CNTNAP2: variants seen among roughly 807,000 people sequenced by gnomAD.
CNTNAP2 encodes the protein contactin associated protein 2.
Under a neutral mutation model 155.2 loss-of-function variants are expected in CNTNAP2, and 98 were observed. The ratio of observed to expected loss-of-function variants is 0.63; its 90% CI spans 0.54 to 0.75. CNTNAP2 has a LOEUF of 0.75. Among genes scored for constraint, CNTNAP2 ranks in the 30% least tolerant of loss-of-function variants. CNTNAP2 has a pLI of 0.00. For synonymous variants in CNTNAP2, 651 were observed against 631.2 expected (o/e 1.03, Z -0.47); for missense variants, 1,727 against 1,688.1 (o/e 1.02, Z -0.40).
chr7:146,786,895 T>A (rs563244687), intron 2 of CNTNAP2: 1 of 152,336 alleles, frequency 6.6e-6, no homozygotes, highest in South Asian at 2.1e-4. Context: ...GAACTGCGGG[T>A]CCTTGTCTGC....
chr7:147,773,412 G>A (rs1013906457), intron 13 of CNTNAP2, among the ~76,000 whole-genome samples: 6 of 152,058 alleles, frequency 3.9e-5, no homozygotes, highest in Non-Finnish European at 5.9e-5. Context: ...CAAGGCGGTC[G>A]ATCACCTGAG....
At chr7:147,609,571 CAG>C (rs1200620638) in intron 12 of CNTNAP2, among the ~76,000 whole-genome samples, 1 of 151,822 alleles carries the variant, frequency 6.6e-6, no homozygotes, top group Non-Finnish European at 1.5e-5. Context: ...GTGGGGGAGA[CAG>C]ACAATACAAA....
chr7:147,377,157 A>T (rs989823016), intron 9 of CNTNAP2, among the ~76,000 whole-genome samples: 5 of 147,900 alleles, frequency 3.4e-5, no homozygotes, highest in Admixed American at 6.7e-5. Flanking sequence ...TTGGTTGATC[A>T]AATATTTTTA....
intron 1 of CNTNAP2, among the ~76,000 whole-genome samples, chr7:146,717,946 C>T (rs1290346654): frequency 6.6e-6 from 1 of 151,934 alleles, no homozygotes. Flanking sequence ...AATGGGATGC[C>T]TTTATAAAAT....
intron 21 of CNTNAP2, among the ~76,000 whole-genome samples, chr7:148,317,736 T>C (rs1202318421): frequency 6.6e-6 from 1 of 151,736 alleles, no homozygotes; most frequent in African/African-American, 2.4e-5. Context: ...AGTCTTGCTC[T>C]TTCGCCCAGG....
intron 20 of CNTNAP2, among the ~76,000 whole-genome samples, chr7:148,245,882 G>C (rs1796253261): frequency 6.6e-6 from 1 of 152,036 alleles, no homozygotes; most frequent in Non-Finnish European, 1.5e-5. Context: ...ACTTCCCCTG[G>C]TCTTTTCTAG....
chr7:147,217,095 T>C (rs1803284255), intron 8 of CNTNAP2, among the ~76,000 whole-genome samples: 1 of 152,052 alleles, frequency 6.6e-6, no homozygotes, highest in African/African-American at 2.4e-5. Context: ...TTAAAAAAAT[T>C]CTACATAGAC....
At position 148,415,697 on chromosome 7, in the gene CNTNAP2, C is replaced by T. The variant is rs1240356201; in HGVS notation, c.*81C>T. The T allele has an allele frequency of 6.8e-7, 1 of 1,480,718 alleles. No homozygotes were observed. Among genetic ancestry groups the T allele is most frequent in the Non-Finnish European group, 9.4e-7 (1 of 1,066,944 alleles). 91.7% of individuals were successfully genotyped at this position (1,480,718 alleles called of 1,614,324 possible). A position where few individuals can be genotyped will look rare whatever the true frequency, so the allele number is the denominator to read the frequency against. ...AGGGACAAAAGCACCCTGCTTCATA[C>T]TCTTGAGCACATCCTTAAAATATCA... On this transcript the variant is annotated 3_prime_UTR_variant, in exon 24 of 24. Transcript: ENST00000361727.
At chr7:147,531,537 G>A (rs112711491) in intron 11 of CNTNAP2, among the ~76,000 whole-genome samples, 24,158 of 152,184 alleles carry the variant, frequency 0.16, 2,086 homozygotes, top group Admixed American at 0.23. Context: ...GCTGTACATT[G>A]GCCCCTTTCA....
At chr7:147,561,632 C>A (rs1800066038) in intron 11 of CNTNAP2, among the ~76,000 whole-genome samples, 1 of 151,948 alleles carries the variant, frequency 6.6e-6, no homozygotes, top group Non-Finnish European at 1.5e-5. Context: ...AAGGAAGATT[C>A]AAAATTACAT....
intron 11 of CNTNAP2, among the ~76,000 whole-genome samples, chr7:147,545,787 C>T (rs1799718482): frequency 6.6e-6 from 1 of 152,168 alleles, no homozygotes; most frequent in African/African-American, 2.4e-5. Context: ...ACTGTGTCCC[C>T]ACCCAAATCT....
At chr7:147,606,870 C>A (rs934684113) in intron 12 of CNTNAP2, among the ~76,000 whole-genome samples, 1 of 152,036 alleles carries the variant, frequency 6.6e-6, no homozygotes, top group African/African-American at 2.4e-5. Flanking sequence ...CAGTGTCCTG[C>A]ATGGGGGCAG....
intron 23 of CNTNAP2, 26 bp downstream of exon 23, chr7:148,409,497 T>C (rs1799778395): frequency 1.3e-6 from 2 of 1,586,562 alleles, no homozygotes; most frequent in African/African-American, 1.3e-5. Context: ...AGGAGGCTTA[T>C]ATGGGGCTAC....
chr7:146,347,063 A>G (rs1794829409), intron 1 of CNTNAP2, among the ~76,000 whole-genome samples: 1 of 150,832 alleles, frequency 6.6e-6, no homozygotes, highest in African/African-American at 2.4e-5. Context: ...ATAGTTCGTA[A>G]GCAGCCGTAG....
At chr7:147,540,910 A>G (rs1375331948) in intron 11 of CNTNAP2, among the ~76,000 whole-genome samples, 1 of 152,142 alleles carries the variant, frequency 6.6e-6, no homozygotes, top group East Asian at 1.9e-4. Flanking sequence ...AGCGTAATCC[A>G]GTGATTGATG....
intron 1 of CNTNAP2, among the ~76,000 whole-genome samples, chr7:146,374,253 A>G (rs1195427498): frequency 1.3e-5 from 2 of 152,224 alleles, no homozygotes; most frequent in African/African-American, 2.4e-5. Context: ...AAAATCACAA[A>G]TGATAAAGAG....
At chr7:148,063,597 T>A (rs547142209) in intron 15 of CNTNAP2, among the ~76,000 whole-genome samples, 32 of 151,094 alleles carry the variant, frequency 2.1e-4, no homozygotes, top group Admixed American at 1.6e-3. Flanking sequence ...TTTTTTTTTT[T>A]ATTTCAGTAG....
intron 3 of CNTNAP2, among the ~76,000 whole-genome samples, chr7:146,875,865 G>A (rs899551668): frequency 7.6e-6 from 1 of 131,472 alleles, no homozygotes; most frequent in Non-Finnish European, 1.5e-5. Context: ...AGACAACATA[G>A]GGAGACCTTA....
At chr7:146,698,620 G>T (rs369920552) in intron 1 of CNTNAP2, among the ~76,000 whole-genome samples, 17 of 151,984 alleles carry the variant, frequency 1.1e-4, no homozygotes, top group East Asian at 9.7e-4. Flanking sequence ...AGAGAGTTTG[G>T]CACTCTCTGA....
Sources: gnomAD v4.1 joint callset for allele counts (sites outside exome capture counted in the v4.1 genomes callset) on GRCh38, gnomAD v4.1.1 for gene constraint, MANE v1.5 for transcripts, NCBI Gene and HGNC (gene_info 2026-07-23, HGNC 2026-07-21) for gene names.